SMAP1: variants seen among roughly 807,000 people sequenced by gnomAD.
The protein encoded by SMAP1 is small ArfGAP 1, also known as stromal membrane-associated protein 1.
SMAP1 carries 24 observed loss-of-function variants against 58.5 expected under a neutral mutation model. The ratio of observed to expected loss-of-function variants is 0.41; its 90% CI spans 0.30 to 0.58. The LOEUF is 0.58. SMAP1 is among the 20% of genes least tolerant of loss of function. The probability of loss-of-function intolerance (pLI) is 0.29; values close to 1 mark genes in which losing one functional copy is unlikely to be tolerated. For missense variants in SMAP1, 563 were observed against 566.3 expected (o/e 0.99, Z 0.06); for synonymous variants, 216 against 196.6 (o/e 1.10, Z -0.82).
intron 5 of SMAP1, 31 bp from the exon 6 acceptor site, chr6:70,798,626 A>C (rs1768709783): frequency 6.7e-7 from 1 of 1,482,414 alleles, no homozygotes; most frequent in Non-Finnish European, 9.0e-7. Context: ...TTAAAAAAGT[A>C]AACTTATCAA....
intron 1 of SMAP1, among the ~76,000 whole-genome samples, chr6:70,713,727 A>G (rs76413723): frequency 0.064 from 9,695 of 152,230 alleles, 395 homozygotes; most frequent in Non-Finnish European, 0.099. Context: ...TCTGTTGAGT[A>G]GAACGTTCTG....
intron 7 of SMAP1, 101 bp downstream of exon 7, chr6:70,837,129 A>G: frequency 1.3e-6 from 1 of 755,186 alleles, no homozygotes; most frequent in Non-Finnish European, 2.0e-6. Context: ...GCCAAAACGT[A>G]CCTGTTAACT....
At chr6:70,843,870 A>G (rs1013756040) in intron 7 of SMAP1, among the ~76,000 whole-genome samples, 2 of 152,214 alleles carry the variant, frequency 1.3e-5, no homozygotes, top group African/African-American at 4.8e-5. Context: ...TGCTGAGACT[A>G]TAACCTGAAC....
intron 1 of SMAP1, among the ~76,000 whole-genome samples, chr6:70,681,997 C>G (rs183660838): frequency 6.6e-6 from 1 of 151,948 alleles, no homozygotes; most frequent in Admixed American, 6.6e-5. Flanking sequence ...ATTTAAAATA[C>G]AAATGAAATG....
At chr6:70,746,604 G>A (rs968931481) in intron 2 of SMAP1, among the ~76,000 whole-genome samples, 7 of 152,130 alleles carry the variant, frequency 4.6e-5, no homozygotes, top group African/African-American at 1.7e-4. Context: ...TTGCATCGAT[G>A]TTCATCAGGG....
chr6:70,812,797 G>A (rs1460528562), intron 6 of SMAP1, among the ~76,000 whole-genome samples: 2 of 151,998 alleles, frequency 1.3e-5, no homozygotes, highest in South Asian at 2.1e-4. Context: ...TCAGGGAACC[G>A]GAATAGAGAC....
rs375815696 is a variant in SMAP1 at position 70,668,068 on chromosome 6, G to A, written c.45G>A (p.Glu15=). 8.2e-5 allele frequency: 131 copies of A among 1,604,834 alleles called. No individual in the cohort carries two copies. Among genetic ancestry groups the A allele is most frequent in the Non-Finnish European group, 1.1e-4 (129 of 1,176,424 alleles). The change falls in exon 1 of 11, where the codon GAG becomes GAA. Residue 15 remains glutamate, a synonymous_variant. Transcript: ENST00000370455. ...GGGAGAAGGCTCAGAAGCTGAACGAGCAGCACCAGCTCATCCTATCCAAGC... is the reference window on the plus strand; with the variant it reads ...GGGAGAAGGCTCAGAAGCTGAACGAACAGCACCAGCTCATCCTATCCAAGC... ...SCREKAQKLN[E]QHQLILSKLL... is the part of the protein sequence containing the mutation.
chr6:70,745,155 T>C (rs1765976401), intron 2 of SMAP1, among the ~76,000 whole-genome samples: 1 of 152,230 alleles, frequency 6.6e-6, no homozygotes, highest in African/African-American at 2.4e-5. Flanking sequence ...TTTCTTTTGC[T>C]GTGCAGAAGC....
At chr6:70,707,506 A>G (rs1364437997) in intron 1 of SMAP1, among the ~76,000 whole-genome samples, 1 of 152,244 alleles carries the variant, frequency 6.6e-6, no homozygotes, top group Non-Finnish European at 1.5e-5. Flanking sequence ...AACTAAACAC[A>G]TATTTTCAAA....
At chr6:70,815,419 T>C (rs1346998549) in intron 6 of SMAP1, among the ~76,000 whole-genome samples, 1 of 152,190 alleles carries the variant, frequency 6.6e-6, no homozygotes, top group Non-Finnish European at 1.5e-5. Flanking sequence ...GCATAAAATA[T>C]TTGTGGAATA....
At chr6:70,773,127 T>C (rs1382445835) in intron 3 of SMAP1, 2 of 381,114 alleles carry the variant, frequency 5.2e-6, no homozygotes, top group African/African-American at 4.2e-5. Context: ...AGAATTAGTT[T>C]GGATGAGTTT....
chr6:70,779,711 C>G (rs1294995178), intron 4 of SMAP1, among the ~76,000 whole-genome samples: 1 of 152,102 alleles, frequency 6.6e-6, no homozygotes, highest in African/African-American at 2.4e-5. Flanking sequence ...ACTGTTCTCC[C>G]CTAGTGCTCT....
chr6:70,748,862 T>G (rs1320495523), intron 2 of SMAP1, among the ~76,000 whole-genome samples: 11 of 152,076 alleles, frequency 7.2e-5, no homozygotes, highest in Non-Finnish European at 1.2e-4. Flanking sequence ...TGTATATTTT[T>G]CCTCACATAT....
chr6:70,668,218 G>A lies in SMAP1; in HGVS notation c.118+77G>A, dbSNP rs1274950894. On this transcript the variant is annotated intron_variant, in intron 1 of 10. Transcript: ENST00000370455. The stretch of plus-strand genomic sequence containing the variant: ...CCTTCCCGCCGCTGCGGCGCTCGGG[G>A]CCCGAGCGGACGCCTCGGCTTCGCT... 15 of 1,325,550 alleles carry A rather than the reference G, an allele frequency of 1.1e-5. No homozygotes were observed. The East Asian group carries it at 2.4e-4, about 21-fold the overall frequency. 82.1% of individuals were successfully genotyped at this position (1,325,550 alleles called of 1,614,324 possible).
At chr6:70,837,410 T>C (rs1415145830) in intron 7 of SMAP1, among the ~76,000 whole-genome samples, 1 of 152,178 alleles carries the variant, frequency 6.6e-6, no homozygotes, top group Non-Finnish European at 1.5e-5. Context: ...AATTCTAGGG[T>C]AGCCTTATTG....
chr6:70,818,746 C>T lies in SMAP1; in HGVS notation c.577-18195C>T, dbSNP rs570585986. Among the ~76,000 whole-genome samples the T allele has an allele frequency of 3.3e-4, 50 of 152,266 alleles. 1 individual carries two copies. The highest frequency in any genetic ancestry group is 2.7e-3 in the South Asian group (13 of 4,822). ...CTCAAACTGGATTGGAATATGTATT[C>T]ACTGCTAAAGTATGGTCACAGCAGC... On this transcript the variant is annotated intron_variant, in intron 6 of 10. Coordinates refer to ENST00000370455, the MANE Select transcript of SMAP1 (RefSeq NM_001044305.3).
At chr6:70,748,947 C>G (rs775608498) in intron 2 of SMAP1, among the ~76,000 whole-genome samples, 11 of 151,474 alleles carry the variant, frequency 7.3e-5, no homozygotes, top group African/African-American at 1.7e-4. Context: ...ATCTTTTGAC[C>G]CATAGGTAGG....
chr6:70,733,907 G>C (rs1186154842), intron 2 of SMAP1, among the ~76,000 whole-genome samples: 3 of 152,122 alleles, frequency 2.0e-5, no homozygotes, highest in Non-Finnish European at 1.5e-5. Flanking sequence ...ATTTGAGATG[G>C]GCAGCTGTAT....
chr6:70,719,745 C>G (rs1469759537), intron 1 of SMAP1, among the ~76,000 whole-genome samples: 1 of 152,078 alleles, frequency 6.6e-6, no homozygotes, highest in Non-Finnish European at 1.5e-5. Flanking sequence ...GAGGAAGAAG[C>G]AAAAGTGGAA....
Sources: allele counts gnomAD v4.1 joint callset (sites outside exome capture counted in the v4.1 genomes callset), GRCh38; gene constraint gnomAD v4.1.1; transcripts MANE v1.5; gene names NCBI Gene and HGNC (gene_info 2026-07-23, HGNC 2026-07-21).